Variants in GATA4 observed in about 807,000 individuals in gnomAD.
GATA4 encodes the protein GATA binding protein 4.
In GATA4, 7 loss-of-function variants were observed where a neutral mutation model predicts 37.9. The ratio of observed to expected loss-of-function variants is 0.18; its 90% CI spans 0.11 to 0.35. GATA4 has a LOEUF of 0.35. Ranked by LOEUF, GATA4 falls within the 10% of genes least tolerant of loss-of-function variation. The pLI, the probability that GATA4 is intolerant of heterozygous loss-of-function variation, is 1.00. For synonymous variants in GATA4, 372 were observed against 292.6 expected, an observed-to-expected ratio of 1.27 and a Z score of -2.77; for missense variants, 647 against 653.0, an observed-to-expected ratio of 0.99 and a Z score of 0.10.
rs931731287 is a variant in GATA4 at position 11,759,101 on chromosome 8, G to C, written c.*626G>C. ...ATGCAGCTGGCAACTTCTCCCCCAG[G>C]TGCCTTCCCCCTGCTGCCGGCCTTT... On this transcript the variant is annotated 3_prime_UTR_variant, in exon 7 of 7. Transcript: ENST00000532059. 6.3e-6 allele frequency: 1 copy of C among 159,350 alleles called. No individual in the cohort carries two copies. The highest frequency in any genetic ancestry group is 1.4e-5 in the Non-Finnish European group (1 of 72,396). 9.9% of individuals were successfully genotyped at this position (159,350 alleles called of 1,614,324 possible).
At chr8:11,734,793 G>T (rs932087028) in intron 2 of GATA4, among the ~76,000 whole-genome samples, 1 of 152,102 alleles carries the variant, frequency 6.6e-6, no homozygotes, top group Non-Finnish European at 1.5e-5. Context: ...CCCAGCCTCT[G>T]TCTCTTCTTA....
At chr8:11,720,364 G>T (rs1461555807) in intron 2 of GATA4, among the ~76,000 whole-genome samples, 1 of 152,076 alleles carries the variant, frequency 6.6e-6, no homozygotes, top group African/African-American at 2.4e-5. Context: ...ATTCATGCTT[G>T]CCTGTGTCAG....
intron 2 of GATA4, among the ~76,000 whole-genome samples, chr8:11,735,015 A>T (rs926720238): frequency 1.3e-5 from 2 of 152,278 alleles, no homozygotes; most frequent in African/African-American, 2.4e-5. Flanking sequence ...CAAATAAAGC[A>T]GATCCACATG....
upstream of GATA4, among the ~76,000 whole-genome samples, chr8:11,688,250 G>A (rs1203375183): frequency 6.6e-6 from 1 of 152,210 alleles, no homozygotes; most frequent in Non-Finnish European, 1.5e-5. Flanking sequence ...ATGCGTCTAT[G>A]CCTGAGGTCT....
In GATA4 at chr8:11,709,807, A is replaced by C. The variant is rs1189308534; in HGVS notation, c.616+879A>C. On this transcript the variant is annotated intron_variant, in intron 2 of 6. Coordinates refer to ENST00000532059, the MANE Select transcript of GATA4 (RefSeq NM_001308093.3). This position sits in a 1 kb window ranked among gnomAD's most constrained non-coding sequence, Gnocchi z 4.3. ...AACCTGTCTCAACCTCCACTGATTC[A>C]CAAATAAACGCAGCGGGATCTGAGA... is the stretch of plus-strand genomic sequence containing the variant. 6.6e-6 allele frequency among the ~76,000 whole-genome samples: 1 copy of C among 152,122 alleles called. No homozygotes were observed. Among genetic ancestry groups the C allele is most frequent in the African/African-American group, 2.4e-5 (1 of 41,448 alleles).
intron 2 of GATA4, among the ~76,000 whole-genome samples, chr8:11,728,137 C>G (rs998681004): frequency 6.6e-6 from 1 of 152,018 alleles, no homozygotes; most frequent in African/African-American, 2.4e-5. Context: ...ATTACAGGCG[C>G]CTACCACCAC....
chr8:11,706,630 A>G (rs1156856861), intron 1 of GATA4, among the ~76,000 whole-genome samples: 1 of 152,254 alleles, frequency 6.6e-6, no homozygotes, highest in Non-Finnish European at 1.5e-5. Context: ...ATATATAGTT[A>G]ACATTCTTGT....
chr8:11,745,015 C>T (rs1378495754), intron 2 of GATA4, among the ~76,000 whole-genome samples: 1 of 152,214 alleles, frequency 6.6e-6, no homozygotes, highest in Non-Finnish European at 1.5e-5. Context: ...TGGGTTCCCT[C>T]CTAGCTCCTG....
At chr8:11,737,955 C>G (rs536159601) in intron 2 of GATA4, among the ~76,000 whole-genome samples, 33 of 152,140 alleles carry the variant, frequency 2.2e-4, no homozygotes, top group African/African-American at 7.5e-4. Flanking sequence ...CCGAGCCTGG[C>G]GGATCACCTA....
intron 2 of GATA4, among the ~76,000 whole-genome samples, chr8:11,720,554 A>C (rs1800626066): frequency 6.6e-6 from 1 of 152,116 alleles, no homozygotes; most frequent in African/African-American, 2.4e-5. Context: ...CCCAGGTATT[A>C]AGCCCCAGTA....
At position 11,749,843 on chromosome 8, in the gene GATA4, C is replaced by T. The variant is rs3735817; in HGVS notation, c.787-268C>T. Among the ~76,000 whole-genome samples, 91,055 of 152,170 alleles carry T rather than the reference C, an allele frequency of 0.6. 28,330 individuals carry two copies. Among genetic ancestry groups the T allele is most frequent in the East Asian group, 0.84 (4,345 of 5,166 alleles). ...CGGCGCTCACTGGTTATTCGCCTGA[C>T]GGTGAATGATGGTTAGGACTGGAAA... On this transcript the variant is annotated intron_variant, in intron 3 of 6. Coordinates refer to ENST00000532059, the MANE Select transcript of GATA4 (RefSeq NM_001308093.3). This position sits in a 1 kb window ranked among gnomAD's most constrained non-coding sequence, Gnocchi z 4.6.
At chr8:11,706,775 G>C (rs563403599) in intron 1 of GATA4, among the ~76,000 whole-genome samples, 2 of 152,190 alleles carry the variant, frequency 1.3e-5, no homozygotes, top group South Asian at 4.2e-4. Flanking sequence ...CACCCCTTCT[G>C]ATTGTACTTT....
Position 11,757,162 on chromosome 8 carries a change from G to A in GATA4, c.1149+79G>A, listed in dbSNP as rs1226115586. 15 of 1,577,014 alleles carry A rather than the reference G, an allele frequency of 9.5e-6. No homozygotes were observed. The East Asian group carries it at 2.1e-4, about 22-fold the overall frequency. On this transcript the variant is annotated intron_variant, in intron 6 of 6. Coordinates refer to ENST00000532059, the MANE Select transcript of GATA4 (RefSeq NM_001308093.3). The stretch of plus-strand genomic sequence containing the variant: ...GTCCCAGAGGCCAGCCTAGTACTGG[G>A]TGGGACTTGCAGCCAGGCCTCACAG...
chr8:11,712,233 G>A (rs1276636369), intron 2 of GATA4, among the ~76,000 whole-genome samples: 2 of 152,234 alleles, frequency 1.3e-5, no homozygotes, highest in Admixed American at 6.5e-5. Context: ...AGGACTGAGG[G>A]TTTTCCCAGA....
At chr8:11,688,814 C>T (rs1307819084), upstream of GATA4, among the ~76,000 whole-genome samples, 4 of 152,196 alleles carry the variant, frequency 2.6e-5, no homozygotes, top group Non-Finnish European at 5.9e-5. Flanking sequence ...AATTAAGAAC[C>T]TAATCCCCAA....
chr8:11,681,488 C>A (rs1798969567), intron 1 of GATA4: 2 of 738,428 alleles, frequency 2.7e-6, no homozygotes, highest in African/African-American at 1.6e-4. Flanking sequence ...GGGTGCGGCG[C>A]TCGCGGGGGG....
At position 11,755,039 on chromosome 8, in the gene GATA4, C is replaced by T. The variant is rs915238757; in HGVS notation, c.913-7C>T. 1.9e-6 allele frequency: 3 copies of T among 1,612,180 alleles called. No individual in the cohort carries two copies. The highest frequency in any genetic ancestry group is 1.3e-5 in the African/African-American group (1 of 74,876). On this transcript the variant is annotated splice_polypyrimidine_tract_variant and splice_region_variant and intron_variant, in intron 4 of 6. Coordinates refer to ENST00000532059, the MANE Select transcript of GATA4 (RefSeq NM_001308093.3). ...AAAACCCTATATATTTACTTGTGACCCTCCAGGTCCCCAGGCCTCTTGCAA... is the reference window on the plus strand; with the variant it reads ...AAAACCCTATATATTTACTTGTGACTCTCCAGGTCCCCAGGCCTCTTGCAA...
At chr8:11,739,832 G>A (rs911767546) in intron 2 of GATA4, among the ~76,000 whole-genome samples, 1 of 152,182 alleles carries the variant, frequency 6.6e-6, no homozygotes. Flanking sequence ...TGCCCGGCCT[G>A]CTCTGCACCT....
intron 4 of GATA4, among the ~76,000 whole-genome samples, chr8:11,753,421 C>T (rs1189411129): frequency 1.3e-5 from 2 of 151,266 alleles, no homozygotes; most frequent in Non-Finnish European, 2.9e-5. Flanking sequence ...ATGCGCTTAA[C>T]ACTACAGAGC....
Sources: allele counts gnomAD v4.1 joint callset (sites outside exome capture counted in the v4.1 genomes callset), GRCh38; gene constraint gnomAD v4.1.1; non-coding constraint Gnocchi (gnomAD v3.1); transcripts MANE v1.5; gene names NCBI Gene and HGNC (gene_info 2026-07-23, HGNC 2026-07-21).